Variants in CALN1 observed in about 807,000 individuals in gnomAD.
CALN1 encodes calcium-binding protein 8.
CALN1 carries 17 observed loss-of-function variants against 30.6 expected under a neutral mutation model. The observed-to-expected ratio is 0.56, with a 90% CI of 0.38 to 0.83. The LOEUF is 0.83. Among genes scored for constraint, CALN1 ranks in the 40% least tolerant of loss-of-function variants. The pLI, the probability that CALN1 is intolerant of heterozygous loss-of-function variation, is 0.00. For missense variants in CALN1, 291 were observed against 354.9 expected, an observed-to-expected ratio of 0.82 and a Z score of 1.45; for synonymous variants, 156 against 131.4, an observed-to-expected ratio of 1.19 and a Z score of -1.28.
intron 3 of CALN1, among the ~76,000 whole-genome samples, chr7:72,218,650 T>C (rs1345851737): frequency 6.6e-6 from 1 of 152,174 alleles, no homozygotes; most frequent in African/African-American, 2.4e-5. Flanking sequence ...TGCTTTAGTA[T>C]ACAATGTCTA....
chr7:72,383,320 T>C (rs1198631477), intron 2 of CALN1, among the ~76,000 whole-genome samples: 1 of 152,228 alleles, frequency 6.6e-6, no homozygotes, highest in African/African-American at 2.4e-5. Flanking sequence ...CTGCTTTTAG[T>C]TCTTTGAGAA....
At chr7:72,065,658 C>A (rs12699120) in intron 4 of CALN1, among the ~76,000 whole-genome samples, 2 of 151,800 alleles carry the variant, frequency 1.3e-5, no homozygotes, top group East Asian at 1.9e-4. Context: ...GGACCGAACC[C>A]CACGCTTCAT....
intron 4 of CALN1, among the ~76,000 whole-genome samples, chr7:72,045,236 T>C (rs1802393474): frequency 1.3e-5 from 2 of 152,020 alleles, no homozygotes; most frequent in South Asian, 2.1e-4. Flanking sequence ...CAGGAAAGGG[T>C]AGGAAGAGTC....
At chr7:72,113,644 C>A (rs563126744) in intron 3 of CALN1, among the ~76,000 whole-genome samples, 91 of 152,344 alleles carry the variant, frequency 6.0e-4, no homozygotes, top group African/African-American at 2.1e-3. Flanking sequence ...TATTGGAACA[C>A]AACCATGCAC....
At chr7:72,176,434 G>A (rs1160248418) in intron 3 of CALN1, among the ~76,000 whole-genome samples, 4 of 152,130 alleles carry the variant, frequency 2.6e-5, no homozygotes, top group Non-Finnish European at 2.9e-5. Context: ...CTGCTTGGAG[G>A]TGTTTGGGTC....
At chr7:72,279,222 T>C (rs1015520387) in intron 2 of CALN1, among the ~76,000 whole-genome samples, 9 of 152,026 alleles carry the variant, frequency 5.9e-5, no homozygotes, top group African/African-American at 1.9e-4. Context: ...AGGGACTAGA[T>C]GTCTTGTCTG....
chr7:72,407,532 C>T (rs1354932601), intron 1 of CALN1, among the ~76,000 whole-genome samples: 5 of 152,194 alleles, frequency 3.3e-5, no homozygotes, highest in East Asian at 1.9e-4. Flanking sequence ...CTTCCCTCCT[C>T]TCTTCTCCTC....
At chr7:72,432,188 T>C (rs1464361941) in intron 1 of CALN1, among the ~76,000 whole-genome samples, 1 of 152,142 alleles carries the variant, frequency 6.6e-6, no homozygotes, top group Non-Finnish European at 1.5e-5. Flanking sequence ...GTGAGTCTCA[T>C]GAGACCTGAT....
At chr7:72,155,775 G>A (rs774694945) in intron 3 of CALN1, among the ~76,000 whole-genome samples, 1 of 152,136 alleles carries the variant, frequency 6.6e-6, no homozygotes, top group Non-Finnish European at 1.5e-5. Context: ...GGATGTCAGA[G>A]GTCCAAAGTG....
intron 3 of CALN1, among the ~76,000 whole-genome samples, chr7:72,121,908 T>G (rs1808425751): frequency 6.8e-6 from 1 of 147,528 alleles, no homozygotes; most frequent in Non-Finnish European, 1.5e-5. Context: ...ATTTTATATA[T>G]AAATATATAT....
At chr7:72,339,575 AT>A (rs1273766325) in intron 2 of CALN1, among the ~76,000 whole-genome samples, 5 of 152,232 alleles carry the variant, frequency 3.3e-5, no homozygotes, top group Admixed American at 6.5e-5. Context: ...GAGTCAGGAA[AT>A]GTTTTTGTTC....
At chr7:71,950,920 C>T (rs1796657326) in intron 5 of CALN1, among the ~76,000 whole-genome samples, 1 of 152,212 alleles carries the variant, frequency 6.6e-6, no homozygotes, top group Admixed American at 6.5e-5. Flanking sequence ...TCCACCCTGT[C>T]ATTCCTTTCC....
chr7:72,297,912 TG>T (rs1432583916), intron 2 of CALN1, among the ~76,000 whole-genome samples: 1 of 152,240 alleles, frequency 6.6e-6, no homozygotes, highest in African/African-American at 2.4e-5. Context: ...GAAACTCCCT[TG>T]ATCTCTTCAT....
chr7:71,908,321 C>G (rs1163710260), intron 5 of CALN1, among the ~76,000 whole-genome samples: 1 of 151,210 alleles, frequency 6.6e-6, no homozygotes, highest in Non-Finnish European at 1.5e-5. Flanking sequence ...AAATCATGGG[C>G]TTTAAAAAAA....
At chr7:72,189,525 G>A (rs1009182923) in intron 3 of CALN1, among the ~76,000 whole-genome samples, 4 of 152,144 alleles carry the variant, frequency 2.6e-5, no homozygotes, top group African/African-American at 4.8e-5. Flanking sequence ...GGGAGGCCAA[G>A]ACTAGTAGTC....
chr7:72,485,695 A>AC, the CALN1 span, among the ~76,000 whole-genome samples: 1 of 152,058 alleles, frequency 6.6e-6, no homozygotes, highest in Non-Finnish European at 1.5e-5. Context: ...ACATGGTGAA[A>AC]CCCCGTCTCT....
intron 5 of CALN1, among the ~76,000 whole-genome samples, chr7:71,939,123 T>C (rs914894140): frequency 4.6e-5 from 7 of 152,252 alleles, no homozygotes; most frequent in Non-Finnish European, 7.4e-5. Context: ...TTAAGCTTCT[T>C]GCAACACAAT....
chr7:71,792,631 G>T (rs922036267), intron 6 of CALN1, among the ~76,000 whole-genome samples: 1 of 152,260 alleles, frequency 6.6e-6, no homozygotes, highest in Admixed American at 6.5e-5. Context: ...GAAAAAGGAG[G>T]TGGCATTTAA....
intron 1 of CALN1, among the ~76,000 whole-genome samples, chr7:72,419,977 A>G (rs943401729): frequency 2.0e-5 from 3 of 152,072 alleles, no homozygotes; most frequent in African/African-American, 7.2e-5. Flanking sequence ...CACACAGTTC[A>G]TGTGACCTGA....
Sources: allele counts gnomAD v4.1 joint callset (sites outside exome capture counted in the v4.1 genomes callset), GRCh38; gene constraint gnomAD v4.1.1; transcripts MANE v1.5; gene names NCBI Gene and HGNC (gene_info 2026-07-23, HGNC 2026-07-21).